PHF5A: variants seen among roughly 807,000 people sequenced by gnomAD.
PHF5A encodes the protein PHD finger-like domain-containing protein 5A.
For synonymous variants in PHF5A, 52 were observed against 46.0 expected (o/e 1.13, Z -0.52); for missense variants, 24 against 140.6 (o/e 0.17, Z 4.19).
At chr22:41,461,550 G>A (rs1272053204) in intron 3 of PHF5A, among the ~76,000 whole-genome samples, 7 of 151,992 alleles carry the variant, frequency 4.6e-5, no homozygotes, top group Admixed American at 4.6e-4. Context: ...TAGAGACAGG[G>A]TTTCACCATG....
intron 3 of PHF5A, among the ~76,000 whole-genome samples, chr22:41,463,928 G>A (rs116796920): frequency 0.015 from 2,283 of 151,866 alleles, 65 homozygotes; most frequent in African/African-American, 0.052. Context: ...CTAGGCCCTA[G>A]TCCTGGGTCT....
intron 1 of PHF5A, 57 bp downstream of exon 1, chr22:41,468,545 C>T (rs2037894896): frequency 3.2e-6 from 5 of 1,579,310 alleles, no homozygotes; most frequent in Admixed American, 1.7e-5. Context: ...AACCCCCGAC[C>T]CCCCAGCTCC....
rs1470678227 is a variant in PHF5A, at chr22:41,460,555, T to A, written c.244-68A>T. 3 of 1,358,588 alleles carry A rather than the reference T, an allele frequency of 2.2e-6. No homozygotes were observed. The East Asian group carries it at 7.1e-5, about 32-fold the overall frequency. The allele number at this position is 1,358,588 out of a possible 1,614,324, so 84.2% of individuals were successfully genotyped here. Reference sequence around the variant, plus strand: ...ACCAAGAGTGACTTAAGATAAAAAATTTAAGCCCAGTGTGGTAGCATGTGC... The same window carrying A: ...ACCAAGAGTGACTTAAGATAAAAAAATTAAGCCCAGTGTGGTAGCATGTGC... On this transcript the variant is annotated intron_variant, in intron 3 of 3. Coordinates refer to ENST00000216252, the MANE Select transcript of PHF5A (RefSeq NM_032758.4).
intron 3 of PHF5A, among the ~76,000 whole-genome samples, chr22:41,466,662 C>T (rs1326396374): frequency 6.6e-6 from 1 of 152,014 alleles, no homozygotes; most frequent in Non-Finnish European, 1.5e-5. Flanking sequence ...TAGCTGCGAC[C>T]ACAGGTACAC....
At chr22:41,464,541 G>C (rs1440540602) in intron 3 of PHF5A, among the ~76,000 whole-genome samples, 2 of 152,194 alleles carry the variant, frequency 1.3e-5, no homozygotes, top group Non-Finnish European at 2.9e-5. Flanking sequence ...GTGAAGTAGG[G>C]GAAGTGACAT....
chr22:41,464,155 T>C (rs2037848054), intron 3 of PHF5A, among the ~76,000 whole-genome samples: 1 of 152,170 alleles, frequency 6.6e-6, no homozygotes, highest in Non-Finnish European at 1.5e-5. Flanking sequence ...GGAATCAAGA[T>C]TAAGGGGATT....
intron 3 of PHF5A, among the ~76,000 whole-genome samples, chr22:41,461,517 G>T (rs947044099): frequency 2.0e-5 from 3 of 151,026 alleles, no homozygotes; most frequent in Non-Finnish European, 2.9e-5. Context: ...CGCCATGCCC[G>T]GCTAATTTCT....
At chr22:41,461,392 TC>T (rs981162127) in intron 3 of PHF5A, among the ~76,000 whole-genome samples, 2 of 88,622 alleles carry the variant, frequency 2.3e-5, no homozygotes, top group Non-Finnish European at 7.5e-5. Flanking sequence ...ACTATGAAAC[TC>T]TTTTTTTTTT....
chr22:41,464,944 T>C (rs2037854410), intron 3 of PHF5A, among the ~76,000 whole-genome samples: 1 of 152,112 alleles, frequency 6.6e-6, no homozygotes, highest in East Asian at 1.9e-4. Flanking sequence ...AGGCACTGTA[T>C]CATGACCTAA....
chr22:41,468,351 A>G lies in PHF5A; in HGVS notation c.53-204T>C, dbSNP rs535104696. ...CTGAATCTCCTCCAACGCCCTGGGC[A>G]AGCTCAGAGTTTCTCTGGACCTGGT... On this transcript the variant is annotated intron_variant, in intron 1 of 3. Transcript: ENST00000216252. 10 of 651,914 alleles carry G rather than the reference A, an allele frequency of 1.5e-5. No individual in the cohort carries two copies. The East Asian group carries it at 2.5e-4, about 16-fold the overall frequency. The allele number at this position is 651,914 out of a possible 1,614,324, so 40.4% of individuals were successfully genotyped here.
chr22:41,466,585 G>A (rs180798669), intron 3 of PHF5A, among the ~76,000 whole-genome samples: 6 of 152,198 alleles, frequency 3.9e-5, no homozygotes, highest in South Asian at 2.1e-4. Context: ...GTGCAGTGGC[G>A]TGAAAATGGC....
In PHF5A at chr22:41,459,899, T is replaced by TCCCC. The variant is rs1340659153; in HGVS notation, c.*498_*499insGGGG. 5.0e-5 allele frequency: 1 copy of TCCCC among 19,942 alleles called. No homozygotes were observed. Among genetic ancestry groups the TCCCC allele is most frequent in the African/African-American group, 2.7e-4 (1 of 3,706 alleles). The allele number at this position is 19,942 out of a possible 1,614,324, so 1.2% of individuals were successfully genotyped here. ...AATGCCTTTCAAGAGGGCAGAGCCC[T>TCCCC]GCCCCCCCACCCCCCCCCCAAAAAA... is the stretch of plus-strand genomic sequence containing the variant. On this transcript the variant is annotated 3_prime_UTR_variant, in exon 4 of 4. Coordinates refer to ENST00000216252, the MANE Select transcript of PHF5A (RefSeq NM_032758.4).
At chr22:41,465,534 G>T (rs762800993) in intron 3 of PHF5A, among the ~76,000 whole-genome samples, 5 of 152,164 alleles carry the variant, frequency 3.3e-5, no homozygotes, top group African/African-American at 4.8e-5. Context: ...TGCGTGAAAT[G>T]AGGTACTGGC....
chr22:41,464,673 C>T (rs1026663587), intron 3 of PHF5A, among the ~76,000 whole-genome samples: 6 of 152,220 alleles, frequency 3.9e-5, no homozygotes, highest in Non-Finnish European at 7.3e-5. Context: ...TGCAAGCTTA[C>T]GCTACATAAG....
chr22:41,466,719 G>C (rs1267011592), intron 3 of PHF5A, among the ~76,000 whole-genome samples: 1 of 152,176 alleles, frequency 6.6e-6, no homozygotes, highest in Non-Finnish European at 1.5e-5. Flanking sequence ...GGCCAGGCGT[G>C]ATGGTTCATG....
At chr22:41,465,809 G>A (rs910103961) in intron 3 of PHF5A, among the ~76,000 whole-genome samples, 3 of 152,136 alleles carry the variant, frequency 2.0e-5, no homozygotes, top group African/African-American at 7.2e-5. Flanking sequence ...GAACCCAGGA[G>A]GCGGAGGCTG....
At position 41,460,164 on chromosome 22, in the gene PHF5A, T is replaced by A. The variant is rs1257360276; in HGVS notation, c.*234A>T. The A allele has an allele frequency of 2.7e-6, 1 of 371,110 alleles. No homozygotes were observed. Among genetic ancestry groups the A allele is most frequent in the Non-Finnish European group, 4.9e-6 (1 of 205,536 alleles). 23.0% of individuals were successfully genotyped at this position (371,110 alleles called of 1,614,324 possible). A position where few individuals can be genotyped will look rare whatever the true frequency, so the allele number is the denominator to read the frequency against. ...CTCGAATTCAAGAAAAACCATTAACTAATCTATCAAGTTTTCTCCGATATG... is the reference window on the plus strand; with the variant it reads ...CTCGAATTCAAGAAAAACCATTAACAAATCTATCAAGTTTTCTCCGATATG... On this transcript the variant is annotated 3_prime_UTR_variant, in exon 4 of 4. Transcript: ENST00000216252.
chr22:41,468,403 T>C, intron 1 of PHF5A, 199 bp downstream of exon 1: 1 of 587,188 alleles, frequency 1.7e-6, no homozygotes, highest in Non-Finnish European at 3.0e-6. Flanking sequence ...GATACCTGCC[T>C]GGGGCTCCCA....
At position 41,465,666 on chromosome 22, in the gene PHF5A, G is replaced by A. The variant is rs542779829; in HGVS notation, c.243+1782C>T. Among the ~76,000 whole-genome samples the A allele has an allele frequency of 8.5e-5, 13 of 152,222 alleles. No homozygotes were observed. The South Asian group carries it at 2.5e-3, about 29-fold the overall frequency. ...GGAGGCCCAGATGGGTGGATCGCAA[G>A]GTCAGGAGTTTGAGTCCAACCTGGC... On this transcript the variant is annotated intron_variant, in intron 3 of 3. Transcript: ENST00000216252.
Sources: gnomAD v4.1 joint callset for allele counts (sites outside exome capture counted in the v4.1 genomes callset) on GRCh38, gnomAD v4.1.1 for gene constraint, MANE v1.5 for transcripts, NCBI Gene and HGNC (gene_info 2026-07-23, HGNC 2026-07-21) for gene names.